HEG1: variants seen among roughly 807,000 people sequenced by gnomAD.
The protein encoded by HEG1 is heart development protein with EGF like domains 1.
Under a neutral mutation model 125.6 loss-of-function variants are expected in HEG1, and 56 were observed. The observed-to-expected ratio is 0.45, with a 90% confidence interval of 0.36 to 0.56. The LOEUF is 0.56. Among genes scored for constraint, HEG1 ranks in the 20% least tolerant of loss-of-function variants. The pLI is 0.00. For missense variants in HEG1, 1,523 were observed against 1,670.0 expected, an observed-to-expected ratio of 0.91 and a Z score of 1.53; for synonymous variants, 644 against 668.5, an observed-to-expected ratio of 0.96 and a Z score of 0.57.
chr3:125,011,166 C>T (rs1433511292), intron 6 of HEG1, among the ~76,000 whole-genome samples: 3 of 151,730 alleles, frequency 2.0e-5, no homozygotes, highest in African/African-American at 7.3e-5. Context: ...AAGCCGAAGC[C>T]TACAACATAA....
At chr3:125,001,499 G>A (rs1936998596) in intron 11 of HEG1, among the ~76,000 whole-genome samples, 1 of 152,130 alleles carries the variant, frequency 6.6e-6, no homozygotes, top group Non-Finnish European at 1.5e-5. Flanking sequence ...TCCCCAAAGA[G>A]AGCAGGAACT....
At chr3:125,049,170 C>T (rs1274888617) in intron 1 of HEG1, among the ~76,000 whole-genome samples, 1 of 152,236 alleles carries the variant, frequency 6.6e-6, no homozygotes, top group Non-Finnish European at 1.5e-5. Context: ...TTCCCCAGAC[C>T]TCATTCTCCC....
intron 8 of HEG1, 167 bp downstream of exon 8, chr3:125,009,538 A>G (rs1005421572): frequency 3.6e-6 from 2 of 561,622 alleles, no homozygotes; most frequent in Non-Finnish European, 5.9e-6. Flanking sequence ...AGGGTGTTCT[A>G]TCTCCAAGTA....
chr3:125,006,695 G>T (rs1196407238), intron 8 of HEG1, among the ~76,000 whole-genome samples: 1 of 152,200 alleles, frequency 6.6e-6, no homozygotes, highest in Non-Finnish European at 1.5e-5. Flanking sequence ...ATTTCAGCAT[G>T]CTCTAATTTG....
At chr3:125,044,333 G>A (rs1937630448) in intron 1 of HEG1, among the ~76,000 whole-genome samples, 1 of 152,144 alleles carries the variant, frequency 6.6e-6, no homozygotes, top group African/African-American at 2.4e-5. Flanking sequence ...ATAAAACAGA[G>A]AAAGAGGAAG....
At chr3:125,045,180 C>T (rs565379797) in intron 1 of HEG1, among the ~76,000 whole-genome samples, 2 of 152,268 alleles carry the variant, frequency 1.3e-5, no homozygotes, top group Admixed American at 6.5e-5. Flanking sequence ...TAAACCTGTG[C>T]GAATGCTGGC....
At chr3:124,990,737 A>C (rs775694515) in intron 14 of HEG1, 50 bp downstream of exon 14, 6 of 1,536,808 alleles carry the variant, frequency 3.9e-6, no homozygotes, top group Non-Finnish European at 4.4e-6. Context: ...TGCACTAACA[A>C]CAGGGCCAGG....
At chr3:125,016,316 G>A (rs998626364) in intron 5 of HEG1, among the ~76,000 whole-genome samples, 19 of 152,194 alleles carry the variant, frequency 1.2e-4, no homozygotes, top group Non-Finnish European at 2.2e-4. Context: ...AAAAGATAAA[G>A]TATTGTGTTA....
chr3:125,006,042 G>A lies in HEG1; in HGVS notation c.3194-674C>T, dbSNP rs568917830. Among the ~76,000 whole-genome samples, 8 of 152,314 alleles carry A rather than the reference G, an allele frequency of 5.3e-5. No individual in the cohort carries two copies. In the East Asian group the frequency reaches 5.8e-4, roughly 11 times the overall value. Reference sequence around the variant, plus strand: ...CCACCACTGGCATTGGAGCGTATGCGTGTCCATCTTCAAAGCTCTCCTTTC... The same window carrying A: ...CCACCACTGGCATTGGAGCGTATGCATGTCCATCTTCAAAGCTCTCCTTTC... On this transcript the variant is annotated intron_variant, in intron 8 of 16. Coordinates refer to ENST00000311127, the MANE Select transcript of HEG1 (RefSeq NM_020733.2).
intron 16 of HEG1, 125 bp downstream of exon 16, chr3:124,973,606 G>A: frequency 1.5e-6 from 1 of 661,944 alleles, no homozygotes. Flanking sequence ...TAGTAAATCA[G>A]AGGTTCATGC....
chr3:124,967,749 C>T lies in HEG1; in HGVS notation c.*2903G>A, dbSNP rs780475832. On this transcript the variant is annotated 3_prime_UTR_variant, in exon 17 of 17. Transcript: ENST00000311127. ...TACCTGAGAAATGGGCACTTCCATG[C>T]CCACCTCTCAAGGATACTGTGAGGA... 1.3e-5 allele frequency: 2 copies of T among 152,186 alleles called. No homozygotes were observed. The highest frequency in any genetic ancestry group is 1.5e-5 in the Non-Finnish European group (1 of 68,068). 9.4% of individuals were successfully genotyped at this position (152,186 alleles called of 1,614,324 possible).
intron 14 of HEG1, among the ~76,000 whole-genome samples, chr3:124,978,878 G>A (rs1466282286): frequency 6.6e-6 from 1 of 151,462 alleles, no homozygotes; most frequent in Non-Finnish European, 1.5e-5. Flanking sequence ...ATCTTTTCTT[G>A]GTCACTTCCC....
chr3:125,050,766 G>A (rs74740363), intron 1 of HEG1, among the ~76,000 whole-genome samples: 2 of 152,192 alleles, frequency 1.3e-5, no homozygotes, highest in African/African-American at 4.8e-5. Flanking sequence ...ACATAGCAAG[G>A]CTTCTGTAAA....
Position 125,013,482 on chromosome 3 carries a change from C to A in HEG1, c.2097G>T (p.Val699=). ...SSILPSTRAS[V]HLLKSTSDAS... is the part of the protein sequence containing the mutation. The stretch of plus-strand genomic sequence containing the variant: ...CATCAGAGGTAGACTTTAGTAGATG[C>A]ACAGAGGCCCTGGTTGATGGTAAAA... The change falls in exon 6 of 17, where the codon GTG becomes GTT. Residue 699 remains valine (V), a synonymous_variant. Coordinates refer to ENST00000311127, the MANE Select transcript of HEG1 (RefSeq NM_020733.2). 6.2e-7 allele frequency: 1 copy of A among 1,613,710 alleles called. No individual in the cohort carries two copies. Among genetic ancestry groups the A allele is most frequent in the South Asian group, 1.1e-5 (1 of 91,046 alleles).
At position 125,019,513 on chromosome 3, in the gene HEG1, A is replaced by T; in HGVS notation, c.1337T>A (p.Val446Asp). The change falls in exon 5 of 17, where the codon GTC (valine) becomes GAC (aspartate). Residue 446 changes from valine to aspartate, a missense_variant. Val to Asp is a radical substitution (Grantham distance 152, BLOSUM62 -3). Transcript: ENST00000311127. ...MSQTETVSRS[V>D]APMRGGEITA... ...GATCTCTCCACCTCTCATGGGTGCG[A>T]CTGACCTAGACACAGTCTCAGTCTG... 1 of 1,613,976 alleles carries T rather than the reference A, an allele frequency of 6.2e-7. No homozygotes were observed. Among genetic ancestry groups the T allele is most frequent in the Non-Finnish European group, 8.5e-7 (1 of 1,179,862 alleles).
chr3:125,025,119 G>A (rs75596658), intron 3 of HEG1, among the ~76,000 whole-genome samples: 2,412 of 152,302 alleles, frequency 0.016, 62 homozygotes, highest in African/African-American at 0.053. Flanking sequence ...CTCCTGTATC[G>A]TGTAGTCAGA....
At chr3:125,024,626 C>T (rs2981547) in intron 3 of HEG1, among the ~76,000 whole-genome samples, 1 of 152,108 alleles carries the variant, frequency 6.6e-6, no homozygotes, top group Non-Finnish European at 1.5e-5. Context: ...GATTCCATTG[C>T]CTAGGCCTAT....
intron 15 of HEG1, 41 bp downstream of exon 15, chr3:124,977,818 G>T: frequency 7.5e-7 from 1 of 1,335,756 alleles, no homozygotes; most frequent in Non-Finnish European, 1.1e-6. Context: ...GTATAGCACA[G>T]GCAAAGGAAC....
In HEG1 at chr3:124,966,137, G is replaced by A. The variant is rs1177288706; in HGVS notation, c.*4515C>T. 2 of 152,128 alleles carry A rather than the reference G, an allele frequency of 1.3e-5. No homozygotes were observed. Among genetic ancestry groups the A allele is most frequent in the African/African-American group, 4.8e-5 (2 of 41,418 alleles). The allele number at this position is 152,128 out of a possible 1,614,324, so 9.4% of individuals were successfully genotyped here. The stretch of plus-strand genomic sequence containing the variant: ...GCAGAACTGACTCCATCCCATCCCT[G>A]GCCTATCCCATCCTCCCTACCCAAG... On this transcript the variant is annotated 3_prime_UTR_variant, in exon 17 of 17. Transcript: ENST00000311127.
Sources: gnomAD v4.1 joint callset for allele counts (sites outside exome capture counted in the v4.1 genomes callset) on GRCh38, gnomAD v4.1.1 for gene constraint, MANE v1.5 for transcripts, NCBI Gene and HGNC (gene_info 2026-07-23, HGNC 2026-07-21) for gene names.